GIPC2: variants seen among roughly 807,000 people sequenced by gnomAD.
GIPC2 encodes GIPC PDZ domain containing family member 2.
In GIPC2, 30 loss-of-function variants were observed where a neutral mutation model predicts 30.6. The ratio of observed to expected loss-of-function variants is 0.98; its 90% CI spans 0.73 to 1.33. GIPC2 has a LOEUF of 1.33. Among genes scored for constraint, GIPC2 ranks in the 40% most tolerant of loss-of-function variants. The probability of loss-of-function intolerance (pLI) is 0.00; values close to 1 mark genes in which losing one functional copy is unlikely to be tolerated. For synonymous variants in GIPC2, 167 were observed against 150.0 expected, an observed-to-expected ratio of 1.11 and a Z score of -0.83; for missense variants, 414 against 390.3, an observed-to-expected ratio of 1.06 and a Z score of -0.51.
At chr1:78,091,009 T>C (rs543293441) in intron 2 of GIPC2, among the ~76,000 whole-genome samples, 2 of 152,216 alleles carry the variant, frequency 1.3e-5, no homozygotes, top group Non-Finnish European at 2.9e-5. Context: ...AGGTGATAGA[T>C]TATTTTGGAC....
chr1:78,131,064 T>C (rs1379529285), intron 5 of GIPC2, among the ~76,000 whole-genome samples: 1 of 152,144 alleles, frequency 6.6e-6, no homozygotes, highest in Non-Finnish European at 1.5e-5. Context: ...CTCAAAATCC[T>C]GGACTCAAGC....
chr1:78,114,081 G>A (rs545744256), intron 3 of GIPC2, among the ~76,000 whole-genome samples: 4 of 152,320 alleles, frequency 2.6e-5, no homozygotes, highest in Admixed American at 2.0e-4. Flanking sequence ...ACTCCACTGT[G>A]GGAGCGGTTA....
At chr1:78,088,759 G>C (rs1480207775) in intron 2 of GIPC2, among the ~76,000 whole-genome samples, 1 of 151,576 alleles carries the variant, frequency 6.6e-6, no homozygotes, top group African/African-American at 2.4e-5. Context: ...TGGGAGAATT[G>C]CTTGAGCCTG....
At chr1:78,069,176 T>C in intron 1 of GIPC2, 1 of 731,548 alleles carries the variant, frequency 1.4e-6, no homozygotes, top group Non-Finnish European at 1.7e-6. Context: ...GTGACAGAAT[T>C]CTGTTCTTGG....
At chr1:78,080,574 AT>A in intron 1 of GIPC2, 100 bp from the exon 2 acceptor site, 1 of 670,396 alleles carries the variant, frequency 1.5e-6, no homozygotes, top group Non-Finnish European at 2.5e-6. Context: ...TCTTTACATC[AT>A]AAATTGAGGA....
At chr1:78,126,857 T>A (rs1379670711) in intron 5 of GIPC2, among the ~76,000 whole-genome samples, 2 of 152,192 alleles carry the variant, frequency 1.3e-5, no homozygotes, top group African/African-American at 4.8e-5. Flanking sequence ...CTGGTTGGTC[T>A]GATTGGCTCA....
intron 3 of GIPC2, among the ~76,000 whole-genome samples, chr1:78,112,056 T>C (rs1662475030): frequency 6.6e-6 from 1 of 152,366 alleles, no homozygotes. Context: ...CAGACCTCAG[T>C]ACTAAAGTCC....
intron 5 of GIPC2, among the ~76,000 whole-genome samples, chr1:78,127,980 T>C (rs1360704237): frequency 6.7e-6 from 1 of 149,786 alleles, no homozygotes; most frequent in East Asian, 2.1e-4. Context: ...GTGTGAGCCA[T>C]CATTGCCAGC....
At chr1:78,048,141 T>G (rs1661129735) in intron 1 of GIPC2, among the ~76,000 whole-genome samples, 1 of 152,218 alleles carries the variant, frequency 6.6e-6, no homozygotes, top group Non-Finnish European at 1.5e-5. Context: ...TATGATATTT[T>G]TGACTCACAA....
chr1:78,128,741 G>GCCCTAACCCTAACCCTAA, intron 5 of GIPC2, among the ~76,000 whole-genome samples: 1 of 151,976 alleles, frequency 6.6e-6, no homozygotes. Flanking sequence ...TTGGCTTGAG[G>GCCCTAACCCTAACCCTAA]CCCTAACCCT....
At chr1:78,061,366 C>G (rs1189236249) in intron 1 of GIPC2, among the ~76,000 whole-genome samples, 1 of 152,198 alleles carries the variant, frequency 6.6e-6, no homozygotes, top group Admixed American at 6.5e-5. Flanking sequence ...GCCTTCATTA[C>G]TCATCTCAGA....
intron 3 of GIPC2, among the ~76,000 whole-genome samples, chr1:78,117,899 A>G (rs1212110169): frequency 6.6e-6 from 1 of 152,152 alleles, no homozygotes; most frequent in Non-Finnish European, 1.5e-5. Context: ...AGATGCACAC[A>G]AAACTCTGAG....
intron 3 of GIPC2, among the ~76,000 whole-genome samples, chr1:78,100,526 A>G (rs1385196166): frequency 6.6e-6 from 1 of 152,182 alleles, no homozygotes; most frequent in East Asian, 1.9e-4. Flanking sequence ...CTTTGAGATG[A>G]GGAAAGCTGG....
At chr1:78,123,385 T>A (rs1248382653) in intron 4 of GIPC2, among the ~76,000 whole-genome samples, 1 of 151,684 alleles carries the variant, frequency 6.6e-6, no homozygotes, top group African/African-American at 2.4e-5. Context: ...ACCTGTAAGC[T>A]GTTCATGAGA....
At chr1:78,090,967 T>G (rs1022135805) in intron 2 of GIPC2, among the ~76,000 whole-genome samples, 1 of 152,066 alleles carries the variant, frequency 6.6e-6, no homozygotes, top group Non-Finnish European at 1.5e-5. Flanking sequence ...AATGGAAAAA[T>G]AAGGCTGTCA....
At chr1:78,129,511 A>G (rs768478658) in intron 5 of GIPC2, among the ~76,000 whole-genome samples, 3 of 152,246 alleles carry the variant, frequency 2.0e-5, no homozygotes, top group African/African-American at 4.8e-5. Flanking sequence ...TTAAAACACT[A>G]TCCTCAAAAA....
chr1:78,054,212 G>C (rs1453023959), intron 1 of GIPC2, among the ~76,000 whole-genome samples: 8 of 152,130 alleles, frequency 5.3e-5, no homozygotes, highest in Non-Finnish European at 1.2e-4. Context: ...ACCTGCTATT[G>C]CATGATTTTT....
chr1:78,112,435 T>G, intron 3 of GIPC2: 1 of 519,046 alleles, frequency 1.9e-6, no homozygotes, highest in Non-Finnish European at 3.8e-6. Context: ...GGCTATTTCT[T>G]GTTCACTGAG....
At chr1:78,072,741 C>G (rs911730625) in intron 1 of GIPC2, among the ~76,000 whole-genome samples, 4 of 152,046 alleles carry the variant, frequency 2.6e-5, no homozygotes, top group African/African-American at 9.7e-5. Context: ...GAACCATAAT[C>G]CAGGTGGTTT....
Sources: allele counts gnomAD v4.1 joint callset (sites outside exome capture counted in the v4.1 genomes callset), GRCh38; gene constraint gnomAD v4.1.1; transcripts MANE v1.5; gene names NCBI Gene and HGNC (gene_info 2026-07-23, HGNC 2026-07-21).